ARID1B: variants seen among roughly 807,000 people sequenced by gnomAD.
ARID1B encodes AT-rich interaction domain 1B, also known as AT-rich interactive domain-containing protein 1B.
Under a neutral mutation model 212.3 loss-of-function variants are expected in ARID1B, and 30 were observed. The observed-to-expected ratio is 0.14, with a 90% CI of 0.11 to 0.19. The LOEUF (loss-of-function observed/expected upper bound fraction) is 0.19. Ranked by LOEUF, ARID1B falls within the 10% of genes least tolerant of loss-of-function variation. The pLI, the probability that ARID1B is intolerant of heterozygous loss-of-function variation, is 1.00. For missense variants in ARID1B, 2,891 were observed against 3,204.0 expected (o/e 0.90, Z 2.36); for synonymous variants, 1,402 against 1,301.7 (o/e 1.08, Z -1.66).
chr6:156,835,600 A>G (rs1217093985), intron 2 of ARID1B, among the ~76,000 whole-genome samples: 1 of 152,192 alleles, frequency 6.6e-6, no homozygotes, highest in Non-Finnish European at 1.5e-5. Flanking sequence ...TACAGTATAT[A>G]GCGCCTAGTA....
intron 6 of ARID1B, among the ~76,000 whole-genome samples, chr6:157,116,348 CCTT>C (rs1478497368): frequency 2.0e-5 from 3 of 151,768 alleles, no homozygotes; most frequent in African/African-American, 7.3e-5. Flanking sequence ...TTTTCGAAAA[CCTT>C]CTAATTGAAT....
At chr6:156,923,093 A>G (rs899792082) in intron 3 of ARID1B, among the ~76,000 whole-genome samples, 2 of 152,184 alleles carry the variant, frequency 1.3e-5, no homozygotes, top group South Asian at 4.1e-4. Flanking sequence ...AACCACAGTA[A>G]GACAAATAAG....
intron 5 of ARID1B, among the ~76,000 whole-genome samples, chr6:157,108,999 TTG>T (rs1786702191): frequency 1.3e-5 from 2 of 152,304 alleles, no homozygotes; most frequent in Non-Finnish European, 2.9e-5. Context: ...CTGAAAACAA[TTG>T]TTTTATAGTA....
At chr6:157,090,434 G>A (rs1259421291) in intron 5 of ARID1B, among the ~76,000 whole-genome samples, 1 of 152,182 alleles carries the variant, frequency 6.6e-6, no homozygotes, top group Non-Finnish European at 1.5e-5. Flanking sequence ...TCCAGTGTAA[G>A]TAGAGTTAAC....
chr6:157,192,542 C>A (rs138273138), intron 15 of ARID1B, among the ~76,000 whole-genome samples: 3 of 152,114 alleles, frequency 2.0e-5, no homozygotes, highest in African/African-American at 7.2e-5. Flanking sequence ...CTTTCACTTA[C>A]GATATTTTTG....
chr6:156,892,611 C>T (rs1464374540), intron 2 of ARID1B, among the ~76,000 whole-genome samples: 2 of 152,192 alleles, frequency 1.3e-5, no homozygotes, highest in Non-Finnish European at 2.9e-5. Context: ...TTGACAATTA[C>T]ATACGTCTAG....
intron 4 of ARID1B, among the ~76,000 whole-genome samples, chr6:156,974,840 C>T (rs577827549): frequency 6.6e-6 from 1 of 152,340 alleles, no homozygotes; most frequent in African/African-American, 2.4e-5. Flanking sequence ...CTGTCTCTCC[C>T]TTCTCTGCCT....
chr6:156,820,548 G>A lies in ARID1B; in HGVS notation c.1792-8679G>A, dbSNP rs199701226. Among the ~76,000 whole-genome samples, 6 of 152,260 alleles carry A rather than the reference G, an allele frequency of 3.9e-5. No homozygotes were observed. In the East Asian group the frequency reaches 1.2e-3, roughly 29 times the overall value. ...TTAAGAGTAAAATAAAAGAGATTTA[G>A]GAAGTTCTTTTTATGTGATAAATCC... On this transcript the variant is annotated intron_variant, in intron 1 of 19. Transcript: ENST00000636930.
chr6:156,910,402 C>T (rs1276279740), intron 3 of ARID1B, among the ~76,000 whole-genome samples: 1 of 152,106 alleles, frequency 6.6e-6, no homozygotes, highest in Non-Finnish European at 1.5e-5. Context: ...TGGGTATAGC[C>T]CTTCTTGGTC....
intron 8 of ARID1B, chr6:157,166,419 T>G (rs1791330154): frequency 6.6e-6 from 1 of 152,224 alleles, no homozygotes; most frequent in African/African-American, 2.4e-5. Flanking sequence ...CCCATCCTCC[T>G]CTGTAACGTA....
chr6:156,801,930 C>T (rs1165557763), intron 1 of ARID1B, among the ~76,000 whole-genome samples: 4 of 152,102 alleles, frequency 2.6e-5, no homozygotes, highest in African/African-American at 7.2e-5. Flanking sequence ...ATTGCTTTCT[C>T]GAAATTGACT....
At chr6:156,945,528 C>T (rs112440974) in intron 4 of ARID1B, among the ~76,000 whole-genome samples, 5,195 of 151,828 alleles carry the variant, frequency 0.034, 136 homozygotes, top group Admixed American at 0.049. Context: ...TCCTGACTTG[C>T]GTAGGTAGGG....
At position 156,779,006 on chromosome 6, in the gene ARID1B, G is replaced by A. The variant is rs2114993262; in HGVS notation, c.1326G>A (p.Gly442=). 1 of 1,265,092 alleles carries A rather than the reference G, an allele frequency of 7.9e-7. No homozygotes were observed. The highest frequency in any genetic ancestry group is 9.8e-7 in the Non-Finnish European group (1 of 1,016,422). 78.4% of individuals were successfully genotyped at this position (1,265,092 alleles called of 1,614,324 possible). The part of the protein sequence containing the change: ...AAGGGGGGGY[G]GSSAGYGVLS... ...GAGGCGGCGGCGGCGGCGGCTATGGGGGCTCGTCCGCGGGGTACGGGGTGC... is the reference window on the plus strand; with the variant it reads ...GAGGCGGCGGCGGCGGCGGCTATGGAGGCTCGTCCGCGGGGTACGGGGTGC... The change falls in exon 1 of 20, where the codon GGG becomes GGA. Residue 442 remains glycine (G), a synonymous_variant. Transcript: ENST00000636930.
At chr6:156,966,375 TC>T (rs1369936377) in intron 4 of ARID1B, among the ~76,000 whole-genome samples, 192 of 113,860 alleles carry the variant, frequency 1.7e-3, no homozygotes, top group African/African-American at 5.8e-3. Context: ...AAATAACTTT[TC>T]TTTTCTTTTC....
rs1268821728 is a variant in ARID1B at position 156,893,060 on chromosome 6, T to TTTG, written c.1987-8316_1987-8315insTTG. 2.9e-5 allele frequency among the ~76,000 whole-genome samples: 4 copies of TTTG among 137,700 alleles called. 1 individual carries two copies. The highest frequency in any genetic ancestry group is 1.5e-4 in the Admixed American group (2 of 13,698). 90.3% of individuals were successfully genotyped at this position (137,700 alleles called of 152,430 possible). A position where few individuals can be genotyped will look rare whatever the true frequency, so the allele number is the denominator to read the frequency against. ...TTTTTTCTTCCTTTTTTTTTTTTTTTGAGATGGAGTCTTGCCCTGTCACCC... is the reference window on the plus strand; with the variant it reads ...TTTTTTCTTCCTTTTTTTTTTTTTTTTTGGAGATGGAGTCTTGCCCTGTCACCC... On this transcript the variant is annotated intron_variant, in intron 2 of 19. Transcript: ENST00000636930.
intron 4 of ARID1B, among the ~76,000 whole-genome samples, chr6:156,986,577 A>G (rs1164560280): frequency 6.6e-6 from 1 of 152,180 alleles, no homozygotes; most frequent in Non-Finnish European, 1.5e-5. Context: ...ATGGGACAAC[A>G]GAACTTATGT....
chr6:156,927,026 A>T (rs1791275789), intron 3 of ARID1B, among the ~76,000 whole-genome samples: 1 of 143,700 alleles, frequency 7.0e-6, no homozygotes, highest in Admixed American at 6.8e-5. Context: ...ATGTGCCTTT[A>T]AAAGATAAAG....
chr6:156,797,559 C>T (rs1476047684), intron 1 of ARID1B, among the ~76,000 whole-genome samples: 1 of 152,168 alleles, frequency 6.6e-6, no homozygotes, highest in Non-Finnish European at 1.5e-5. Flanking sequence ...AAGAACCTTG[C>T]AAGCGCAAGG....
At chr6:157,000,837 G>T (rs1778873004) in intron 4 of ARID1B, among the ~76,000 whole-genome samples, 1 of 151,852 alleles carries the variant, frequency 6.6e-6, no homozygotes, top group African/African-American at 2.4e-5. Flanking sequence ...GGGATTACAG[G>T]TGTGCGCCAC....
Sources: allele counts gnomAD v4.1 joint callset (sites outside exome capture counted in the v4.1 genomes callset), GRCh38; gene constraint gnomAD v4.1.1; transcripts MANE v1.5; gene names NCBI Gene and HGNC (gene_info 2026-07-23, HGNC 2026-07-21).